URGCP: variants seen among roughly 807,000 people sequenced by gnomAD.
The protein encoded by URGCP is upregulator of cell proliferation, also known as up-regulator of cell proliferation.
Under a neutral mutation model 24.6 loss-of-function variants are expected in URGCP, and 13 were observed. That is an observed-to-expected ratio of 0.53 (90% CI 0.34 to 0.84). The LOEUF (loss-of-function observed/expected upper bound fraction) is 0.84. URGCP is among the 40% of genes least tolerant of loss of function. The probability of loss-of-function intolerance (pLI) is 0.01; values close to 1 mark genes in which losing one functional copy is unlikely to be tolerated. For synonymous variants in URGCP, 444 were observed against 487.2 expected (o/e 0.91, Z 1.17); for missense variants, 899 against 1,194.3 (o/e 0.75, Z 3.64).
chr7:43,885,092 G>A (rs752039838), intron 3 of URGCP, among the ~76,000 whole-genome samples: 2 of 122,198 alleles, frequency 1.6e-5, no homozygotes, highest in Admixed American at 1.0e-4. Context: ...TTTTCTGAAT[G>A]TATAGTATAA....
In URGCP at chr7:43,877,566, C is replaced by A; in HGVS notation, c.1897G>T (p.Ala633Ser). The A allele has an allele frequency of 1.9e-6, 3 of 1,614,078 alleles. No homozygotes were observed. Among genetic ancestry groups the A allele is most frequent in the South Asian group, 2.2e-5 (2 of 91,092 alleles). ...CTCTGGCCTGCCGGCAGCCTCCCTG[C>A]CTCCACAAGACAGCTCTCAGCCTCA... ...FYEAESCLVE[A>S]GRLPAGQRRF... The change falls in exon 6 of 6, where the codon GCA becomes TCA. Residue 633 changes from alanine (A) to serine (S), a missense_variant. Transcript: ENST00000453200.
chr7:43,891,378 C>T (rs1251333813), intron 1 of URGCP, among the ~76,000 whole-genome samples: 2 of 152,112 alleles, frequency 1.3e-5, no homozygotes, highest in African/African-American at 4.8e-5. Context: ...AATGTGGAGT[C>T]CTAATTAGGG....
chr7:43,878,206 G>C lies in URGCP; in HGVS notation c.1257C>G (p.Val419=), dbSNP rs1483391706. 3.1e-6 allele frequency: 5 copies of C among 1,614,096 alleles called. No homozygotes were observed. Among genetic ancestry groups the C allele is most frequent in the Non-Finnish European group, 4.2e-6 (5 of 1,180,056 alleles). The change falls in exon 6 of 6, where the codon GTC becomes GTG. Residue 419 remains valine (V), a synonymous_variant. Coordinates refer to ENST00000453200, the MANE Select transcript of URGCP (RefSeq NM_001077663.3). This position sits in a 1 kb window ranked among gnomAD's most constrained non-coding sequence, Gnocchi z 5.6. Reference sequence around the variant, plus strand: ...CGAAGCTGTCGCTGTCAGTGCTGCTGACCTTTACCAGGACATGTGAGTGGT... The same window carrying C: ...CGAAGCTGTCGCTGTCAGTGCTGCTCACCTTTACCAGGACATGTGAGTGGT... The part of the protein sequence containing the change: ...KIDHSHVLVK[V]SSTDSDSFVK...
In URGCP at chr7:43,878,842, G is replaced by A; in HGVS notation, c.621C>T (p.Ala207=). 2 of 1,614,166 alleles carry A rather than the reference G, an allele frequency of 1.2e-6. No homozygotes were observed. Among genetic ancestry groups the A allele is most frequent in the Non-Finnish European group, 1.7e-6 (2 of 1,180,018 alleles). Residue 207 remains alanine (A), a synonymous_variant, in exon 6 of 6, where the codon GCC becomes GCT. Coordinates refer to ENST00000453200, the MANE Select transcript of URGCP (RefSeq NM_001077663.3). This position sits in a 1 kb window ranked among gnomAD's most constrained non-coding sequence, Gnocchi z 5.6. The stretch of plus-strand genomic sequence containing the variant: ...CGAGTGGGAGTGCAAACTGGCAGAG[G>A]GCCATTTTCAACGCTATTTCTTGTT... ...FLQQEIALKM[A]LCQFALPLVL...
intron 1 of URGCP, among the ~76,000 whole-genome samples, chr7:43,900,464 C>CAAAAAAAAA (rs1166653286): frequency 1.3e-4 from 7 of 54,376 alleles, no homozygotes; most frequent in South Asian, 6.9e-4. Flanking sequence ...CAAAAAAAAC[C>CAAAAAAAAA]AAAACAAAAA....
At chr7:43,904,459 G>A (rs1308206947) in intron 1 of URGCP, among the ~76,000 whole-genome samples, 1 of 152,092 alleles carries the variant, frequency 6.6e-6, no homozygotes, top group East Asian at 1.9e-4. Context: ...TCCCATCCCT[G>A]CCCTTTATCT....
chr7:43,883,362 A>ACATATATATATATATATATATATTTTT (rs2095857512), intron 3 of URGCP, among the ~76,000 whole-genome samples: 1 of 88,324 alleles, frequency 1.1e-5, no homozygotes, highest in African/African-American at 5.6e-5. Context: ...ATATATATAT[A>ACATATATATATATATATATATATTTTT]TTTTTTTTTT....
intron 1 of URGCP, chr7:43,918,810 G>C: frequency 8.7e-7 from 1 of 1,149,142 alleles, no homozygotes; most frequent in Non-Finnish European, 1.3e-6. Context: ...CACCATGGAG[G>C]AGTTCGCTAC....
chr7:43,914,099 T>C (rs1478177089), intron 1 of URGCP, among the ~76,000 whole-genome samples: 1 of 152,212 alleles, frequency 6.6e-6, no homozygotes, highest in Non-Finnish European at 1.5e-5. Context: ...GCTCAAGCAA[T>C]CCTTTGGCCT....
intron 1 of URGCP, among the ~76,000 whole-genome samples, chr7:43,903,250 G>T (rs896536860): frequency 6.6e-6 from 1 of 152,160 alleles, no homozygotes; most frequent in African/African-American, 2.4e-5. Flanking sequence ...AAGGCATATT[G>T]TTGGGCAAAT....
chr7:43,882,079 C>A, intron 3 of URGCP, 122 bp from the exon 4 acceptor site: 1 of 1,512,938 alleles, frequency 6.6e-7, no homozygotes, highest in East Asian at 2.3e-5. Context: ...AAGAGGAGTG[C>A]TTGAGTCCAG....
intron 3 of URGCP, among the ~76,000 whole-genome samples, chr7:43,883,095 C>T (rs913747652): frequency 4.6e-5 from 7 of 151,954 alleles, no homozygotes; most frequent in South Asian, 4.2e-4. Context: ...ATGAAATGTC[C>T]ATCAACATTA....
rs1482738582 is a variant in URGCP, at chr7:43,877,213, C to T, written c.2250G>A (p.Val750=). The T allele has an allele frequency of 1.2e-6, 2 of 1,614,056 alleles. No individual in the cohort carries two copies. Among genetic ancestry groups the T allele is most frequent in the Non-Finnish European group, 1.7e-6 (2 of 1,180,026 alleles). The change falls in exon 6 of 6, where the codon GTG becomes GTA. Residue 750 remains valine, a synonymous_variant. Coordinates refer to ENST00000453200, the MANE Select transcript of URGCP (RefSeq NM_001077663.3). ...SQDLGCDHIL[V]IDSGGLIGGA... is the part of the protein sequence containing the mutation. Reference sequence around the variant, plus strand: ...CACCTATCAAGCCCCCGGAGTCTATCACCAGGATGTGGTCACAGCCCAGGT... The same window carrying T: ...CACCTATCAAGCCCCCGGAGTCTATTACCAGGATGTGGTCACAGCCCAGGT...
intron 1 of URGCP, among the ~76,000 whole-genome samples, chr7:43,901,157 A>C (rs2095889913): frequency 6.6e-6 from 1 of 152,236 alleles, no homozygotes; most frequent in Non-Finnish European, 1.5e-5. Flanking sequence ...ATAGGGCCTG[A>C]CAGCACACTT....
chr7:43,891,056 C>T (rs1330960769), intron 1 of URGCP, among the ~76,000 whole-genome samples: 1 of 152,166 alleles, frequency 6.6e-6, no homozygotes, highest in East Asian at 1.9e-4. Context: ...TCTGATTTAG[C>T]AGACCTGGGT....
chr7:43,918,909 C>T (rs878962522), intron 1 of URGCP: 16 of 1,402,392 alleles, frequency 1.1e-5, no homozygotes, highest in East Asian at 4.6e-5. Context: ...CCTGGAGCCC[C>T]AGGTGATCCA....
At chr7:43,909,322 A>G (rs186744351), upstream of URGCP, among the ~76,000 whole-genome samples, 262 of 152,318 alleles carry the variant, frequency 1.7e-3, no homozygotes, top group African/African-American at 5.9e-3. Flanking sequence ...ACATATACAC[A>G]CATATATACA....
At chr7:43,912,735 T>C (rs1027780017) in intron 1 of URGCP, among the ~76,000 whole-genome samples, 1 of 152,232 alleles carries the variant, frequency 6.6e-6, no homozygotes, top group Admixed American at 6.5e-5. Context: ...GTATTTATTC[T>C]TTAATATTTT....
chr7:43,876,815 T>C lies in URGCP; in HGVS notation c.2648A>G (p.His883Arg), dbSNP rs758142482. The change falls in exon 6 of 6, where the codon CAC (histidine) becomes CGC (arginine). Residue 883 changes from histidine to arginine, a missense_variant. Physicochemically the swap from His to Arg is conservative, Grantham distance 29. Coordinates refer to ENST00000453200, the MANE Select transcript of URGCP (RefSeq NM_001077663.3). ...QHIWHIPGLW[H>R]GAPPMAAVSL... The stretch of plus-strand genomic sequence containing the variant: ...CACTGCGGCCATGGGAGGTGCTCCG[T>C]GCCACAGGCCTGGGATGTGCCAGAT... 1.7e-5 allele frequency: 28 copies of C among 1,614,110 alleles called. No individual in the cohort carries two copies. Among genetic ancestry groups the C allele is most frequent in the Non-Finnish European group, 2.0e-5 (24 of 1,180,046 alleles).
Sources: allele counts gnomAD v4.1 joint callset (sites outside exome capture counted in the v4.1 genomes callset), GRCh38; gene constraint gnomAD v4.1.1; non-coding constraint Gnocchi (gnomAD v3.1); transcripts MANE v1.5; gene names NCBI Gene and HGNC (gene_info 2026-07-23, HGNC 2026-07-21).